The following BRAP variants were observed in gnomAD, a reference collection of about 807,000 sequenced individuals.
The protein encoded by BRAP is BRCA1-associated protein.
In BRAP, 42 loss-of-function variants were observed where a neutral mutation model predicts 73.4. That is an observed-to-expected ratio of 0.57 (90% CI 0.45 to 0.74). BRAP has a LOEUF of 0.74. Ranked by LOEUF, BRAP falls within the 30% of genes least tolerant of loss-of-function variation. BRAP has a pLI of 0.00. For missense variants in BRAP, 593 were observed against 751.4 expected (o/e 0.79, Z 2.46); for synonymous variants, 255 against 267.4 (o/e 0.95, Z 0.45).
chr12:111,680,687 G>A (rs1887565477), intron 3 of BRAP, among the ~76,000 whole-genome samples: 1 of 151,350 alleles, frequency 6.6e-6, no homozygotes, highest in Non-Finnish European at 1.5e-5. Context: ...GTGAGACCCT[G>A]TCTCAAAAAA....
rs889769302 is a variant in BRAP, at chr12:111,659,904, AAAAACAAAAC to A, written c.973-569_973-560del. Among the ~76,000 whole-genome samples, 511 of 152,138 alleles carry A rather than the reference AAAAACAAAAC, an allele frequency of 3.4e-3. 1 individual carries two copies. The highest frequency in any genetic ancestry group is 0.012 in the African/African-American group (490 of 41,516). On this transcript the variant is annotated intron_variant, in intron 7 of 11. Coordinates refer to ENST00000419234, the MANE Select transcript of BRAP (RefSeq NM_006768.5). ...AAAAACAAAATTTTTTAGAAAAAAC[AAAAACAAAAC>A]AAAACAAAACCTACTAGGCCATGGT... is the stretch of plus-strand genomic sequence containing the variant.
chr12:111,681,103 C>G (rs1887582393), intron 3 of BRAP, among the ~76,000 whole-genome samples: 1 of 152,184 alleles, frequency 6.6e-6, no homozygotes, highest in Non-Finnish European at 1.5e-5. Flanking sequence ...GGCGCAGTGG[C>G]TCACGCCTGT....
intron 5 of BRAP, chr12:111,669,864 C>G (rs1887102011): frequency 1.6e-6 from 1 of 637,900 alleles, no homozygotes; most frequent in African/African-American, 1.9e-5. Context: ...TTGTCTTGGT[C>G]ATTGACATTT....
rs1566129618 is a variant in BRAP, at chr12:111,679,339, T to C, written c.445A>G (p.Lys149Glu). The C allele has an allele frequency of 5.3e-6, 8 of 1,520,788 alleles. No individual in the cohort carries two copies. The highest frequency in any genetic ancestry group is 4.0e-5 in the Admixed American group (2 of 49,460). The allele number at this position is 1,520,788 out of a possible 1,614,324, so 94.2% of individuals were successfully genotyped here. The change falls in exon 4 of 12, where the codon AAG (lysine) becomes GAG (glutamate). Residue 149 changes from lysine to glutamate, a missense_variant and splice_region_variant. Physicochemically the swap from Lys to Glu is moderately conservative, Grantham distance 56. Around this residue, in one of 4 missense-constraint regions of BRAP, gnomAD observed 304 missense variants for 337.7 expected, o/e 0.90. Transcript: ENST00000419234. ...HGIMHLYKTNKMTSLKEDVRR... is the reference protein window; with the variant it reads ...HGIMHLYKTNEMTSLKEDVRR... The stretch of plus-strand genomic sequence containing the variant: ...ACATCTTCTTTTAAGGAGGTCATCT[T>C]ACTAACAAAAAAAAAATTAGAGTGT...
chr12:111,684,708 G>A (rs566872561), intron 1 of BRAP, among the ~76,000 whole-genome samples: 1 of 149,002 alleles, frequency 6.7e-6, no homozygotes, highest in African/African-American at 2.5e-5. Context: ...ATCTCTTGTC[G>A]CCCAGGCTGG....
intron 11 of BRAP, among the ~76,000 whole-genome samples, chr12:111,646,214 A>G (rs1397337806): frequency 6.6e-6 from 1 of 152,016 alleles, no homozygotes; most frequent in South Asian, 2.1e-4. Context: ...TGAGCCCAGG[A>G]ATTTGAGCCT....
intron 5 of BRAP, chr12:111,669,720 T>C: frequency 3.8e-6 from 1 of 261,220 alleles, no homozygotes; most frequent in Non-Finnish European, 7.4e-6. Flanking sequence ...AGTGTACAGC[T>C]CAATATTTAA....
intron 3 of BRAP, among the ~76,000 whole-genome samples, chr12:111,679,898 A>T (rs1887533647): frequency 7.2e-6 from 1 of 139,746 alleles, no homozygotes. Context: ...AAAAAAAAAA[A>T]ATCTGTCACT....
intron 6 of BRAP, among the ~76,000 whole-genome samples, chr12:111,662,873 C>A (rs1467196474): frequency 6.6e-6 from 1 of 151,010 alleles, no homozygotes; most frequent in Admixed American, 6.6e-5. Flanking sequence ...GTAATCCCAG[C>A]ACTTTGAGAG....
chr12:111,643,872 A>G lies in BRAP; in HGVS notation c.*327T>C, dbSNP rs942453998. The G allele has an allele frequency of 1.1e-5, 3 of 281,398 alleles. No homozygotes were observed. The highest frequency in any genetic ancestry group is 1.3e-5 in the Non-Finnish European group (2 of 149,360). 17.4% of individuals were successfully genotyped at this position (281,398 alleles called of 1,614,324 possible). ...ACATCTTAAACCTACCCCAGAACTG[A>G]ATGTCAAATACGCCAACTCCATAAA... On this transcript the variant is annotated 3_prime_UTR_variant, in exon 12 of 12. Coordinates refer to ENST00000419234, the MANE Select transcript of BRAP (RefSeq NM_006768.5).
chr12:111,655,637 T>C lies in BRAP; in HGVS notation c.1240A>G (p.Ser414Gly). 1 of 1,612,736 alleles carries C rather than the reference T, an allele frequency of 6.2e-7. No individual in the cohort carries two copies. Among genetic ancestry groups the C allele is most frequent in the Non-Finnish European group, 8.5e-7 (1 of 1,178,732 alleles). ...LQLEYSYLLTSQLESQRIYWE... is the reference protein window; with the variant it reads ...LQLEYSYLLTGQLESQRIYWE... The stretch of plus-strand genomic sequence containing the variant: ...TAGATTCGCTGAGATTCCAGCTGGC[T>C]TGTTAGTAAATATGAATACTAGAAA... The change falls in exon 10 of 12, where the codon AGC becomes GGC. Residue 414 changes from serine to glycine, a missense_variant. Transcript: ENST00000419234.
chr12:111,672,343 T>G (rs1394728842), intron 5 of BRAP, among the ~76,000 whole-genome samples: 3 of 152,162 alleles, frequency 2.0e-5, no homozygotes, highest in Non-Finnish European at 4.4e-5. Flanking sequence ...TTTTTTTACG[T>G]TTTTTGAAAT....
intron 3 of BRAP, among the ~76,000 whole-genome samples, chr12:111,680,038 A>G (rs891638283): frequency 2.0e-5 from 3 of 150,894 alleles, no homozygotes; most frequent in African/African-American, 7.3e-5. Flanking sequence ...GCTCACTGCA[A>G]CCTCTGACTC....
intron 4 of BRAP, among the ~76,000 whole-genome samples, chr12:111,676,817 C>T (rs1012045281): frequency 1.3e-5 from 2 of 152,128 alleles, no homozygotes; most frequent in African/African-American, 4.8e-5. Context: ...GCTACTGAGC[C>T]TATTATTCTC....
intron 9 of BRAP, among the ~76,000 whole-genome samples, chr12:111,657,322 G>A (rs1886574377): frequency 6.6e-6 from 1 of 152,168 alleles, no homozygotes. Context: ...AGGATTACAG[G>A]CATGAGCCAC....
intron 11 of BRAP, among the ~76,000 whole-genome samples, chr12:111,649,471 C>T (rs879153538): frequency 4.6e-5 from 7 of 152,200 alleles, no homozygotes; most frequent in Admixed American, 4.6e-4. Flanking sequence ...CAATCAGTAG[C>T]AACTATCTTC....
At chr12:111,670,579 G>A (rs962418200) in intron 5 of BRAP, among the ~76,000 whole-genome samples, 4 of 152,074 alleles carry the variant, frequency 2.6e-5, no homozygotes, top group South Asian at 2.1e-4. Context: ...CTGCAACCTC[G>A]GCCTCCGGGG....
intron 3 of BRAP, among the ~76,000 whole-genome samples, chr12:111,680,179 A>T (rs935634607): frequency 1.3e-5 from 2 of 150,582 alleles, no homozygotes; most frequent in Admixed American, 1.3e-4. Context: ...CTGGTTTCGA[A>T]CTCCTGACCT....
Position 111,659,297 on chromosome 12 carries a change from C to G in BRAP, c.1021G>C (p.Val341Leu). 1 of 1,614,110 alleles carries G rather than the reference C, an allele frequency of 6.2e-7. No individual in the cohort carries two copies. The highest frequency in any genetic ancestry group is 1.3e-5 in the African/African-American group (1 of 75,052). Residue 341 changes from valine (V) to leucine (L), a missense_variant, in exon 8 of 12, where the codon GTC becomes CTC. Transcript: ENST00000419234. The part of the protein sequence containing the change: ...ICGHIGCGRY[V>L]SRHAYKHFEE... ...AAGTGCTTATAAGCATGTCGACTGACATACCGTCCACATCCTATGTGGCCG... is the reference window on the plus strand; with the variant it reads ...AAGTGCTTATAAGCATGTCGACTGAGATACCGTCCACATCCTATGTGGCCG...
Sources: allele counts gnomAD v4.1 joint callset (sites outside exome capture counted in the v4.1 genomes callset), GRCh38; gene constraint gnomAD v4.1.1; regional missense constraint gnomAD v4.1.1; transcripts MANE v1.5; gene names NCBI Gene and HGNC (gene_info 2026-07-23, HGNC 2026-07-21).